Variants in DOCK1 observed in about 807,000 individuals in gnomAD.
The protein encoded by DOCK1 is dedicator of cytokinesis 1, also known as dedicator of cytokinesis protein 1.
DOCK1 carries 138 observed loss-of-function variants against 262.7 expected under a neutral mutation model. The ratio of observed to expected loss-of-function variants is 0.53; its 90% CI spans 0.46 to 0.61. DOCK1 has a LOEUF of 0.61. DOCK1 is among the 20% of genes least tolerant of loss of function. DOCK1 has a pLI of 0.00. For missense variants in DOCK1, 1,908 were observed against 2,370.7 expected, an observed-to-expected ratio of 0.80 and a Z score of 4.05; for synonymous variants, 866 against 867.4, an observed-to-expected ratio of 1.00 and a Z score of 0.03.
intron 27 of DOCK1, among the ~76,000 whole-genome samples, chr10:127,219,150 T>C (rs2058328459): frequency 6.6e-6 from 1 of 152,200 alleles, no homozygotes; most frequent in African/African-American, 2.4e-5. Flanking sequence ...TGCAGATTAG[T>C]TCTGAAGTTT....
intron 23 of DOCK1, among the ~76,000 whole-genome samples, chr10:127,082,051 C>T (rs1027928056): frequency 2.0e-5 from 3 of 152,160 alleles, no homozygotes; most frequent in Non-Finnish European, 4.4e-5. Context: ...TGATCCATCC[C>T]TAAACTACAG....
chr10:127,143,434 A>T (rs540391448), intron 27 of DOCK1, among the ~76,000 whole-genome samples: 1 of 152,286 alleles, frequency 6.6e-6, no homozygotes, highest in African/African-American at 2.4e-5. Flanking sequence ...CTGTGGATAA[A>T]TCACCTCACC....
chr10:126,941,585 T>C (rs903066207), intron 1 of DOCK1, among the ~76,000 whole-genome samples: 3 of 152,086 alleles, frequency 2.0e-5, no homozygotes, highest in Non-Finnish European at 4.4e-5. Flanking sequence ...TGAAACCCTG[T>C]CTCTACTAAA....
At chr10:127,325,587 G>A (rs2062716921) in intron 29 of DOCK1, among the ~76,000 whole-genome samples, 1 of 152,172 alleles carries the variant, frequency 6.6e-6, no homozygotes, top group South Asian at 2.1e-4. Context: ...ATATTAACCT[G>A]CTTCTGAACA....
At chr10:127,116,473 A>G (rs1369576427) in intron 25 of DOCK1, among the ~76,000 whole-genome samples, 1 of 152,198 alleles carries the variant, frequency 6.6e-6, no homozygotes, top group East Asian at 1.9e-4. Flanking sequence ...CTATTAGGAA[A>G]TATTGAAGTC....
At chr10:126,986,852 G>A (rs1482029493) in intron 4 of DOCK1, among the ~76,000 whole-genome samples, 2 of 152,192 alleles carry the variant, frequency 1.3e-5, no homozygotes, top group Non-Finnish European at 2.9e-5. Context: ...AGAGATTGCA[G>A]TGAGCCGAGA....
At chr10:127,382,084 T>A (rs1193860192) in intron 37 of DOCK1, among the ~76,000 whole-genome samples, 1 of 152,140 alleles carries the variant, frequency 6.6e-6, no homozygotes, top group East Asian at 1.9e-4. Flanking sequence ...CTTATAAAAA[T>A]TTGAAAAATT....
intron 25 of DOCK1, among the ~76,000 whole-genome samples, chr10:127,113,203 C>T (rs2048971363): frequency 6.6e-6 from 1 of 152,096 alleles, no homozygotes; most frequent in African/African-American, 2.4e-5. Flanking sequence ...TGGAATCAGT[C>T]AAATGAACTC....
chr10:126,976,180 C>T (rs1455508132), intron 2 of DOCK1, among the ~76,000 whole-genome samples: 1 of 152,098 alleles, frequency 6.6e-6, no homozygotes, highest in Non-Finnish European at 1.5e-5. Flanking sequence ...AGCACTGTGT[C>T]ATAGATGGGC....
chr10:127,443,027 G>A (rs1167271339), intron 49 of DOCK1, among the ~76,000 whole-genome samples: 7 of 152,204 alleles, frequency 4.6e-5, no homozygotes, highest in Admixed American at 1.3e-4. Context: ...TTCTAGAGGC[G>A]TCGGCAGGGC....
chr10:127,266,874 T>C (rs1283853765), intron 29 of DOCK1, among the ~76,000 whole-genome samples: 1 of 152,044 alleles, frequency 6.6e-6, no homozygotes, highest in African/African-American at 2.4e-5. Flanking sequence ...CAGCCCAGAG[T>C]CCCCAGTTTG....
At chr10:127,445,965 T>G (rs2070517259) in intron 50 of DOCK1, among the ~76,000 whole-genome samples, 1 of 152,172 alleles carries the variant, frequency 6.6e-6, no homozygotes, top group South Asian at 2.1e-4. Context: ...GGCAAGTTCA[T>G]AGAGACAGAA....
At chr10:126,922,927 A>G (rs1015217710) in intron 1 of DOCK1, among the ~76,000 whole-genome samples, 20 of 152,162 alleles carry the variant, frequency 1.3e-4, no homozygotes, top group Non-Finnish European at 2.2e-4. Context: ...CCTGACCAAC[A>G]TGGAGAAACC....
intron 27 of DOCK1, among the ~76,000 whole-genome samples, chr10:127,243,318 C>CT (rs1474663174): frequency 6.6e-6 from 1 of 152,106 alleles, no homozygotes; most frequent in African/African-American, 2.4e-5. Context: ...CCAGTCTGTG[C>CT]TTTTGTTAGC....
chr10:127,167,706 A>G (rs975676432), intron 27 of DOCK1, among the ~76,000 whole-genome samples: 4 of 152,102 alleles, frequency 2.6e-5, no homozygotes, highest in Admixed American at 2.6e-4. Context: ...AGGTCTCCTG[A>G]CGCTACATCA....
chr10:127,007,904 C>T (rs2041155759), intron 10 of DOCK1, among the ~76,000 whole-genome samples: 4 of 152,118 alleles, frequency 2.6e-5, no homozygotes, highest in African/African-American at 9.7e-5. Context: ...TCCACAGATA[C>T]CAGCATGTGG....
At chr10:127,045,050 T>C (rs1248596960) in intron 21 of DOCK1, among the ~76,000 whole-genome samples, 2 of 151,680 alleles carry the variant, frequency 1.3e-5, no homozygotes, top group Non-Finnish European at 2.9e-5. Context: ...ATGCAAAAAT[T>C]AGCTGCGCGT....
At chr10:126,925,879 G>T (rs1393611347) in intron 1 of DOCK1, among the ~76,000 whole-genome samples, 1 of 151,892 alleles carries the variant, frequency 6.6e-6, no homozygotes, top group Non-Finnish European at 1.5e-5. Context: ...TGCCTGCTAT[G>T]TGTGTTGGGT....
In DOCK1 at chr10:127,382,998, C is replaced by T. The variant is rs758642443; in HGVS notation, c.3807+1630C>T. On this transcript the variant is annotated intron_variant, in intron 37 of 51. Coordinates refer to ENST00000623213, the MANE Select transcript of DOCK1 (RefSeq NM_001290223.2). ...TAATCTCTCTCCATATCTTTTGCCC[C>T]GTTACATTTTGCAATTTTTTCTAAA... 9.9e-5 allele frequency among the ~76,000 whole-genome samples: 15 copies of T among 152,078 alleles called. 1 individual carries two copies. The highest frequency in any genetic ancestry group is 5.9e-4 in the Admixed American group (9 of 15,276).
Sources: gnomAD v4.1 joint callset for allele counts (sites outside exome capture counted in the v4.1 genomes callset) on GRCh38, gnomAD v4.1.1 for gene constraint, MANE v1.5 for transcripts, NCBI Gene and HGNC (gene_info 2026-07-23, HGNC 2026-07-21) for gene names.